ACO1: variants seen among roughly 807,000 people sequenced by gnomAD.
ACO1 encodes the protein aconitase 1, also known as cytoplasmic aconitate hydratase.
In ACO1, 78 loss-of-function variants were observed where a neutral mutation model predicts 105.1. The ratio of observed to expected loss-of-function variants is 0.74; its 90% confidence interval spans 0.62 to 0.90. The LOEUF is 0.90. ACO1 is among the 40% of genes least tolerant of loss of function. ACO1 has a pLI of 0.00. For missense variants in ACO1, 965 were observed against 1,111.1 expected (o/e 0.87, Z 1.87); for synonymous variants, 364 against 397.4 (o/e 0.92, Z 1.00).
At chr9:32,390,206 GA>G (rs1342230798) in intron 1 of ACO1, among the ~76,000 whole-genome samples, 2 of 152,294 alleles carry the variant, frequency 1.3e-5, no homozygotes, top group Middle Eastern at 3.4e-3. Flanking sequence ...GGTCTTTTAG[GA>G]ATAAGCATGT....
At chr9:32,417,393 C>A (rs147923206) in intron 4 of ACO1, among the ~76,000 whole-genome samples, 1 of 152,176 alleles carries the variant, frequency 6.6e-6, no homozygotes, top group Non-Finnish European at 1.5e-5. Flanking sequence ...CCTGTGTTCA[C>A]TCAATCCTAT....
intron 15 of ACO1, 30 bp from the exon 16 acceptor site, chr9:32,433,698 A>T (rs1410355275): frequency 6.5e-7 from 1 of 1,533,674 alleles, no homozygotes; most frequent in Non-Finnish European, 8.9e-7. Flanking sequence ...ATGGGATGTG[A>T]TTAGATCTGC....
chr9:32,419,277 C>G (rs941616628), intron 7 of ACO1, 100 bp downstream of exon 7: 1 of 1,290,784 alleles, frequency 7.7e-7, no homozygotes, highest in Non-Finnish European at 1.0e-6. Flanking sequence ...TCCAAGTGCT[C>G]TAGCAATGCA....
intron 7 of ACO1, 59 bp downstream of exon 7, chr9:32,419,236 G>A (rs564560606): frequency 4.9e-4 from 714 of 1,465,666 alleles, no homozygotes; most frequent in Non-Finnish European, 6.2e-4. Flanking sequence ...CTTTCCAATG[G>A]AGGGAATACA....
chr9:32,430,634 A>G, intron 14 of ACO1, 60 bp downstream of exon 14: 1 of 1,520,282 alleles, frequency 6.6e-7, no homozygotes, highest in Non-Finnish European at 8.9e-7. Context: ...TATTACTAGA[A>G]GAAACTGCTT....
intron 15 of ACO1, among the ~76,000 whole-genome samples, chr9:32,432,076 G>A (rs961917720): frequency 2.0e-5 from 3 of 152,136 alleles, no homozygotes; most frequent in African/African-American, 7.2e-5. Flanking sequence ...TGACAGCCTA[G>A]AGAAGAAAGG....
At chr9:32,432,488 C>T (rs569389440) in intron 15 of ACO1, among the ~76,000 whole-genome samples, 2 of 152,252 alleles carry the variant, frequency 1.3e-5, no homozygotes, top group South Asian at 2.1e-4. Flanking sequence ...TCACACGCTG[C>T]ACTCTTCACA....
chr9:32,434,360 G>C (rs191757124), intron 16 of ACO1, among the ~76,000 whole-genome samples, 199 bp from the exon 17 acceptor site: 1 of 152,310 alleles, frequency 6.6e-6, no homozygotes, highest in East Asian at 1.9e-4. Context: ...TTTTCTTCAA[G>C]AGTAAGATAT....
chr9:32,410,230 G>A (rs553305750), intron 4 of ACO1, among the ~76,000 whole-genome samples: 1 of 152,306 alleles, frequency 6.6e-6, no homozygotes, highest in African/African-American at 2.4e-5. Context: ...GAATCTAAGA[G>A]AAGCACTTAG....
At chr9:32,385,374 A>T (rs1563924344) in intron 1 of ACO1, among the ~76,000 whole-genome samples, 1 of 152,296 alleles carries the variant, frequency 6.6e-6, no homozygotes, top group East Asian at 1.9e-4. Context: ...AACCTCTAGG[A>T]CAGAAGTCCC....
chr9:32,405,460 T>A, intron 1 of ACO1, 25 bp from the exon 2 acceptor site: 1 of 1,421,642 alleles, frequency 7.0e-7, no homozygotes, highest in Non-Finnish European at 9.9e-7. Flanking sequence ...AAAAAAAGAA[T>A]TTAAATGTTC....
intron 1 of ACO1, chr9:32,386,572 A>G (rs1488635321): frequency 1.3e-5 from 2 of 152,212 alleles, no homozygotes; most frequent in South Asian, 2.1e-4. Context: ...TCCTTCATCC[A>G]TAGAGCCTCT....
At position 32,433,770 on chromosome 9, in the gene ACO1, A is replaced by G. The variant is rs779030858; in HGVS notation, c.1894A>G (p.Lys632Glu). 8 of 1,613,000 alleles carry G rather than the reference A, an allele frequency of 5.0e-6. No homozygotes were observed. Among genetic ancestry groups the G allele is most frequent in the Non-Finnish European group, 6.8e-6 (8 of 1,179,788 alleles). Residue 632 changes from lysine (K) to glutamate (E), a missense_variant, in exon 16 of 21, where the codon AAG (lysine) becomes GAG (glutamate). By Grantham distance (56) the Lys-to-Glu change is moderately conservative. Transcript: ENST00000309951. ...GAATGCCTTAGCAACCCCATCAGAT[A>G]AGCTGTTTTTCTGGAATTCCAAATC... ...SWNALATPSD[K>E]LFFWNSKSTY... is the part of the protein sequence containing the mutation.
Position 32,397,168 on chromosome 9 carries a change from C to T in ACO1, c.-22-8317C>T, listed in dbSNP as rs368967752. Among the ~76,000 whole-genome samples the T allele has an allele frequency of 1.1e-4, 17 of 152,254 alleles. 1 individual carries two copies. The East Asian group carries it at 1.5e-3, about 14-fold the overall frequency. On this transcript the variant is annotated intron_variant, in intron 1 of 20. Coordinates refer to ENST00000309951, the MANE Select transcript of ACO1 (RefSeq NM_002197.3). ...TCTGTAGCATATGGTGCACCTTGCA[C>T]ATACTTAGTGCTCAAGAAAAACATG... is the stretch of plus-strand genomic sequence containing the variant.
At chr9:32,429,033 C>T (rs1822165942) in intron 12 of ACO1, among the ~76,000 whole-genome samples, 2 of 152,130 alleles carry the variant, frequency 1.3e-5, no homozygotes, top group Admixed American at 6.5e-5. Context: ...TGAATGTATT[C>T]GTTGCCAAAT....
At position 32,448,926 on chromosome 9, in the gene ACO1, G is replaced by A. The variant is rs1224946358; in HGVS notation, c.2401G>A (p.Glu801Lys). ...CAAAGCCGTCCTGGCCGAGAGCTACGAGCGCATTCACCGCAGTAACCTGGT... is the reference window on the plus strand; with the variant it reads ...CAAAGCCGTCCTGGCCGAGAGCTACAAGCGCATTCACCGCAGTAACCTGGT... ...GIKAVLAESY[E>K]RIHRSNLVGM... is the part of the protein sequence containing the mutation. The change falls in exon 20 of 21, where the codon GAG becomes AAG. Residue 801 changes from glutamate (E) to lysine (K), a missense_variant. Transcript: ENST00000309951. 14 of 1,614,034 alleles carry A rather than the reference G, an allele frequency of 8.7e-6. No individual in the cohort carries two copies. Among genetic ancestry groups the A allele is most frequent in the Admixed American group, 1.7e-5 (1 of 59,996 alleles).
chr9:32,393,440 T>C (rs974659702), intron 1 of ACO1, among the ~76,000 whole-genome samples: 1 of 152,194 alleles, frequency 6.6e-6, no homozygotes, highest in African/African-American at 2.4e-5. Context: ...TCAAACCCTG[T>C]CTCCTGATAA....
At chr9:32,403,660 A>T (rs746454753) in intron 1 of ACO1, among the ~76,000 whole-genome samples, 9 of 152,210 alleles carry the variant, frequency 5.9e-5, no homozygotes, top group Non-Finnish European at 1.2e-4. Context: ...CAACTGGTTT[A>T]ATCCAAAAAT....
rs1015933603 is a variant in ACO1, at chr9:32,450,452, A to C, written c.*341A>C. 5.5e-6 allele frequency: 2 copies of C among 363,680 alleles called. No homozygotes were observed. Among genetic ancestry groups the C allele is most frequent in the South Asian group, 4.4e-5 (2 of 44,952 alleles). 22.5% of individuals were successfully genotyped at this position (363,680 alleles called of 1,614,324 possible). A position where few individuals can be genotyped will look rare whatever the true frequency, so the allele number is the denominator to read the frequency against. The stretch of plus-strand genomic sequence containing the variant: ...ATTAATCTTCAGCTGAACACAAGCA[A>C]ACCTTCTCAGGAGGTGTCTCCTACC... On this transcript the variant is annotated 3_prime_UTR_variant, in exon 21 of 21. Coordinates refer to ENST00000309951, the MANE Select transcript of ACO1 (RefSeq NM_002197.3).
Sources: allele counts gnomAD v4.1 joint callset (sites outside exome capture counted in the v4.1 genomes callset), GRCh38; gene constraint gnomAD v4.1.1; transcripts MANE v1.5; gene names NCBI Gene and HGNC (gene_info 2026-07-23, HGNC 2026-07-21).